The following STK24 variants were observed in gnomAD, a reference collection of about 807,000 sequenced individuals.
STK24 encodes serine/threonine kinase 24.
Under a neutral mutation model 55.6 loss-of-function variants are expected in STK24, and 21 were observed. The ratio of observed to expected loss-of-function variants is 0.38; its 90% CI spans 0.27 to 0.54. The LOEUF is 0.54. Among genes scored for constraint, STK24 ranks in the 20% least tolerant of loss-of-function variants. The pLI, the probability that STK24 is intolerant of heterozygous loss-of-function variation, is 0.79. For synonymous variants in STK24, 200 were observed against 215.2 expected, an observed-to-expected ratio of 0.93 and a Z score of 0.62; for missense variants, 383 against 538.4, an observed-to-expected ratio of 0.71 and a Z score of 2.86.
At position 98,556,740 on chromosome 13, in the gene STK24, A is replaced by C. The variant is rs548486920; in HGVS notation, c.42+20005T>G. Among the ~76,000 whole-genome samples, 9 of 152,266 alleles carry C rather than the reference A, an allele frequency of 5.9e-5. No individual in the cohort carries two copies. The East Asian group carries it at 9.7e-4, about 16-fold the overall frequency. On this transcript the variant is annotated intron_variant, in intron 1 of 10. Coordinates refer to ENST00000539966, the MANE Select transcript of STK24 (RefSeq NM_001032296.4). ...CTTCTACCCGATTTTTGCAGGTGCA[A>C]CCAAGACTGAGGCTGTTTAAACAGC...
chr13:98,522,503 C>T (rs1896299734), intron 1 of STK24, among the ~76,000 whole-genome samples: 1 of 152,266 alleles, frequency 6.6e-6, no homozygotes, highest in East Asian at 1.9e-4. Flanking sequence ...GACTCACGTA[C>T]ATGACAGCTT....
intron 3 of STK24, among the ~76,000 whole-genome samples, chr13:98,478,278 G>A (rs1295151073): frequency 4.6e-5 from 7 of 152,128 alleles, no homozygotes; most frequent in East Asian, 1.9e-4. Context: ...CCCCCTCCCC[G>A]AGCCTGTCCT....
Position 98,494,412 on chromosome 13 carries a change from C to CAAAAAAAAAAAA in STK24, c.274-12103_274-12092dup, listed in dbSNP as rs1162677599. On this transcript the variant is annotated intron_variant, in intron 2 of 10. Transcript: ENST00000539966. ...CTGGGTGACAGAGCCAGACTCGTCTCAAAAAAAAAAAAAAAAGTGCCTCTA... is the reference window on the plus strand; with the variant it reads ...CTGGGTGACAGAGCCAGACTCGTCTCAAAAAAAAAAAAAAAAAAAAAAAAAAAAGTGCCTCTA... 9.6e-4 allele frequency among the ~76,000 whole-genome samples: 64 copies of CAAAAAAAAAAAA among 66,704 alleles called. 6 individuals are homozygous for CAAAAAAAAAAAA. The highest frequency in any genetic ancestry group is 2.6e-3 in the South Asian group (5 of 1,900). The allele number at this position is 66,704 out of a possible 152,430, so 43.8% of individuals were successfully genotyped here.
rs1456693015 is a variant in STK24 at position 98,457,269 on chromosome 13, C to G, written c.1158G>C (p.Leu386Phe). 1.2e-6 allele frequency: 2 copies of G among 1,613,864 alleles called. No homozygotes were observed. Among genetic ancestry groups the G allele is most frequent in the African/African-American group, 2.7e-5 (2 of 74,914 alleles). ...KEKSQACGGN[L>F]GSIEELRGAI... ...CCCCTCGCAGCTCTTCAATGGACCC[C>G]AAGTTCCCTCCGCACGCCTGGCTCT... is the stretch of plus-strand genomic sequence containing the variant. Residue 386 changes from leucine (L) to phenylalanine (F), a missense_variant, in exon 10 of 11, where the codon TTG becomes TTC. Coordinates refer to ENST00000539966, the MANE Select transcript of STK24 (RefSeq NM_001032296.4).
At position 98,448,649 on chromosome 13, in the gene STK24, C is replaced by A. The variant is rs1190454162; in HGVS notation, c.*4524G>T. On this transcript the variant is annotated 3_prime_UTR_variant, in exon 11 of 11. Transcript: ENST00000539966. ...ACACACACATCCGTTCAACACAAGA[C>A]AGGGCAAGTGTTTTTCTTCCTAAAA... 1 of 231,946 alleles carries A rather than the reference C, an allele frequency of 4.3e-6. No homozygotes were observed. The highest frequency in any genetic ancestry group is 2.3e-5 in the African/African-American group (1 of 43,992). The allele number at this position is 231,946 out of a possible 1,614,324, so 14.4% of individuals were successfully genotyped here.
rs183787000 is a variant in STK24, at chr13:98,552,709, C to T, written c.42+24036G>A. Among the ~76,000 whole-genome samples, 942 of 152,110 alleles carry T rather than the reference C, an allele frequency of 6.2e-3. 9 individuals are homozygous for T. Among genetic ancestry groups the T allele is most frequent in the African/African-American group, 0.021 (876 of 41,496 alleles). On this transcript the variant is annotated intron_variant, in intron 1 of 10. Coordinates refer to ENST00000539966, the MANE Select transcript of STK24 (RefSeq NM_001032296.4). ...TGAGTGGCAGACCAGCCACGGGGAC[C>T]CAGGATCTGCCACTCCAGAGAAACT...
Position 98,474,844 on chromosome 13 carries a change from T to C in STK24, c.574A>G (p.Lys192Glu), listed in dbSNP as rs772979932. The C allele has an allele frequency of 2.5e-6, 4 of 1,613,370 alleles. No individual in the cohort carries two copies. The South Asian group carries it at 4.4e-5, about 18-fold the overall frequency. ...ACCTTCGAGTCATAGGCCGACTGTTTGATGACCTCGGGTGCCATCCAGAAT... is the reference window on the plus strand; with the variant it reads ...ACCTTCGAGTCATAGGCCGACTGTTCGATGACCTCGGGTGCCATCCAGAAT... ...TPFWMAPEVI[K>E]QSAYDSKADI... Residue 192 changes from lysine (K) to glutamate (E), a missense_variant, in exon 5 of 11, where the codon AAA becomes GAA. Physicochemically the swap from Lys to Glu is moderately conservative, Grantham distance 56. Transcript: ENST00000539966.
At chr13:98,523,793 G>A (rs1896339655) in intron 1 of STK24, among the ~76,000 whole-genome samples, 1 of 152,234 alleles carries the variant, frequency 6.6e-6, no homozygotes, top group African/African-American at 2.4e-5. Flanking sequence ...TTGGCCACTC[G>A]GTTTTGGTTG....
intron 2 of STK24, among the ~76,000 whole-genome samples, chr13:98,512,048 CTAAT>C (rs1895899872): frequency 6.6e-6 from 1 of 151,936 alleles, no homozygotes; most frequent in Non-Finnish European, 1.5e-5. Flanking sequence ...CCATGCCTGG[CTAAT>C]TATTTTTGTA....
chr13:98,518,362 G>A (rs1230535182), intron 2 of STK24, among the ~76,000 whole-genome samples: 2 of 152,200 alleles, frequency 1.3e-5, no homozygotes, highest in East Asian at 3.9e-4. Flanking sequence ...GCCAGGGGAG[G>A]AAGAGGCCTG....
chr13:98,562,924 A>T (rs2139454328), intron 1 of STK24, among the ~76,000 whole-genome samples: 1 of 151,550 alleles, frequency 6.6e-6, no homozygotes, highest in Admixed American at 6.6e-5. Flanking sequence ...TCTTAAAAAA[A>T]AAAAAAAAAA....
chr13:98,478,116 T>C (rs986360959), intron 3 of STK24, among the ~76,000 whole-genome samples: 1 of 152,238 alleles, frequency 6.6e-6, no homozygotes, highest in Admixed American at 6.5e-5. Context: ...GAGTGCCTCA[T>C]GAGCAGCTCG....
chr13:98,539,564 T>A, intron 1 of STK24, among the ~76,000 whole-genome samples: 1 of 74,334 alleles, frequency 1.3e-5, no homozygotes, highest in Non-Finnish European at 3.3e-5. Context: ...AAAGCTCCAT[T>A]TAAAAACAAA....
chr13:98,575,515 G>C (rs1394682554), intron 1 of STK24, among the ~76,000 whole-genome samples: 3 of 151,862 alleles, frequency 2.0e-5, no homozygotes, highest in African/African-American at 4.8e-5. Context: ...ATTCAAACCT[G>C]AACAGTGAAA....
chr13:98,470,391 A>T (rs7986527), intron 5 of STK24, among the ~76,000 whole-genome samples: 5,046 of 152,306 alleles, frequency 0.033, 281 homozygotes, highest in African/African-American at 0.11. Flanking sequence ...AGGGACTCCC[A>T]AAGTGCTGGG....
chr13:98,577,027 C>CGCCGCCGCCGCTGCT lies in STK24; in HGVS notation c.-256_-242dup, dbSNP rs1434227585. On this transcript the variant is annotated 5_prime_UTR_variant, in exon 1 of 11. Transcript: ENST00000539966. The surrounding 1 kb of genome is among the most constrained non-coding windows in gnomAD (Gnocchi z 4.1). ...GGGCGCAGGGCCTCGCGCGCACTGC[C>CGCCGCCGCCGCTGCT]GCCGCCGCCGCTGCTGCCGCTACTG... 6.8e-6 allele frequency: 1 copy of CGCCGCCGCCGCTGCT among 147,490 alleles called. No homozygotes were observed. Among genetic ancestry groups the CGCCGCCGCCGCTGCT allele is most frequent in the African/African-American group, 2.5e-5 (1 of 40,730 alleles). 9.1% of individuals were successfully genotyped at this position (147,490 alleles called of 1,614,324 possible).
Position 98,449,061 on chromosome 13 carries a change from T to A in STK24, c.*4112A>T, listed in dbSNP as rs1375974840. On this transcript the variant is annotated 3_prime_UTR_variant, in exon 11 of 11. Transcript: ENST00000539966. ...CAATACCTGGACTGTCACCGTCCTG[T>A]GAGTGGTGTACACAATGGGAAGATA... is the stretch of plus-strand genomic sequence containing the variant. 3 of 152,338 alleles carry A rather than the reference T, an allele frequency of 2.0e-5. No homozygotes were observed. In the East Asian group the frequency reaches 5.8e-4, roughly 29 times the overall value. The allele number at this position is 152,338 out of a possible 1,614,324, so 9.4% of individuals were successfully genotyped here. A position where few individuals can be genotyped will look rare whatever the true frequency, so the allele number is the denominator to read the frequency against.
intron 1 of STK24, among the ~76,000 whole-genome samples, chr13:98,573,203 T>C (rs1897787733): frequency 6.6e-6 from 1 of 152,246 alleles, no homozygotes; most frequent in African/African-American, 2.4e-5. Flanking sequence ...GTAAAATATA[T>C]TTCTTACATG....
At chr13:98,482,935 G>A (rs562601220) in intron 2 of STK24, among the ~76,000 whole-genome samples, 1 of 152,358 alleles carries the variant, frequency 6.6e-6, no homozygotes, top group East Asian at 1.9e-4. Flanking sequence ...AGAAAAGCAG[G>A]TCTGTCCTAA....
Sources: allele counts gnomAD v4.1 joint callset (sites outside exome capture counted in the v4.1 genomes callset), GRCh38; gene constraint gnomAD v4.1.1; non-coding constraint Gnocchi (gnomAD v3.1); transcripts MANE v1.5; gene names NCBI Gene and HGNC (gene_info 2026-07-23, HGNC 2026-07-21).